RASAL2: variants seen among roughly 807,000 people sequenced by gnomAD.
RASAL2 encodes the protein ras GTPase-activating protein nGAP.
In RASAL2, 58 loss-of-function variants were observed where a neutral mutation model predicts 128.9. The observed-to-expected ratio is 0.45, with a 90% CI of 0.36 to 0.56. The LOEUF (loss-of-function observed/expected upper bound fraction) is 0.56. RASAL2 is among the 20% of genes least tolerant of loss of function. The pLI is 0.00. For synonymous variants in RASAL2, 561 were observed against 580.8 expected, an observed-to-expected ratio of 0.97 and a Z score of 0.49; for missense variants, 1,360 against 1,601.6, an observed-to-expected ratio of 0.85 and a Z score of 2.57.
chr1:178,270,789 G>A (rs1192373182), intron 1 of RASAL2, among the ~76,000 whole-genome samples: 3 of 152,090 alleles, frequency 2.0e-5, no homozygotes, highest in Non-Finnish European at 4.4e-5. Flanking sequence ...TTACTATAAG[G>A]TGACCTGGAC....
At chr1:178,455,364 C>T (rs1326429602) in intron 12 of RASAL2, among the ~76,000 whole-genome samples, 2 of 152,138 alleles carry the variant, frequency 1.3e-5, no homozygotes, top group Non-Finnish European at 2.9e-5. Flanking sequence ...GCTACAGGCA[C>T]TTTATAAATA....
chr1:178,165,160 T>C (rs886542970), intron 1 of RASAL2, among the ~76,000 whole-genome samples: 15 of 151,990 alleles, frequency 9.9e-5, no homozygotes, highest in African/African-American at 3.6e-4. Context: ...CCCACAGATA[T>C]CAAAGTAAAA....
chr1:178,260,304 A>G (rs60905867), intron 1 of RASAL2, among the ~76,000 whole-genome samples: 6,035 of 134,150 alleles, frequency 0.045, 227 homozygotes, highest in African/African-American at 0.095. Flanking sequence ...GTGAGCCGAG[A>G]TCACGCCACT....
At chr1:178,398,319 C>T (rs890289403) in intron 4 of RASAL2, among the ~76,000 whole-genome samples, 2 of 151,988 alleles carry the variant, frequency 1.3e-5, no homozygotes, top group African/African-American at 4.8e-5. Flanking sequence ...TTAATTTTTG[C>T]AAATTATCAA....
At chr1:178,325,855 C>T (rs1305567717) in intron 3 of RASAL2, among the ~76,000 whole-genome samples, 2 of 152,142 alleles carry the variant, frequency 1.3e-5, no homozygotes, top group South Asian at 4.1e-4. Flanking sequence ...AATCCTAGCA[C>T]TTTAACAGAA....
intron 1 of RASAL2, among the ~76,000 whole-genome samples, chr1:178,271,295 C>A (rs906034398): frequency 6.6e-6 from 1 of 152,170 alleles, no homozygotes; most frequent in East Asian, 1.9e-4. Flanking sequence ...GAACATGTTT[C>A]TTCTAGCTTT....
chr1:178,293,259 A>G (rs1460133352), intron 2 of RASAL2, among the ~76,000 whole-genome samples: 1 of 152,232 alleles, frequency 6.6e-6, no homozygotes, highest in Non-Finnish European at 1.5e-5. Context: ...ATAGAATAAG[A>G]GAGAGAAATC....
chr1:178,223,947 A>G (rs973536690), intron 1 of RASAL2, among the ~76,000 whole-genome samples: 1 of 152,198 alleles, frequency 6.6e-6, no homozygotes, highest in African/African-American at 2.4e-5. Context: ...ATTTTAAAAG[A>G]AAGATCATAG....
chr1:178,331,539 A>G (rs1669311928), intron 3 of RASAL2, among the ~76,000 whole-genome samples: 1 of 147,632 alleles, frequency 6.8e-6, no homozygotes, highest in African/African-American at 2.5e-5. Context: ...ACAAACTGTG[A>G]TGAGTGAAAT....
At chr1:178,135,396 T>G (rs1660283500) in intron 1 of RASAL2, among the ~76,000 whole-genome samples, 2 of 151,310 alleles carry the variant, frequency 1.3e-5, no homozygotes, top group Admixed American at 6.6e-5. Flanking sequence ...CCCTTGTATT[T>G]CCAGAATACT....
At chr1:178,126,672 T>C (rs1659911923) in intron 1 of RASAL2, among the ~76,000 whole-genome samples, 1 of 152,354 alleles carries the variant, frequency 6.6e-6, no homozygotes, top group African/African-American at 2.4e-5. Context: ...ACAACCTGGC[T>C]GCCTTTTTCA....
At chr1:178,308,635 TC>T (rs538487727) in intron 3 of RASAL2, among the ~76,000 whole-genome samples, 127 of 151,276 alleles carry the variant, frequency 8.4e-4, no homozygotes, top group African/African-American at 3.1e-3. Flanking sequence ...AGCCTCAACT[TC>T]CTAGGCTCAA....
chr1:178,124,462 A>T (rs1659822090), intron 1 of RASAL2, among the ~76,000 whole-genome samples: 1 of 152,058 alleles, frequency 6.6e-6, no homozygotes, highest in African/African-American at 2.4e-5. Flanking sequence ...AGGCTGAGAA[A>T]CTCTGCCTTA....
At chr1:178,465,134 T>C (rs1489355406) in intron 15 of RASAL2, among the ~76,000 whole-genome samples, 1 of 152,112 alleles carries the variant, frequency 6.6e-6, no homozygotes, top group African/African-American at 2.4e-5. Context: ...GTCACTGAAT[T>C]TATGTAAAGC....
At chr1:178,398,806 C>T (rs780764474) in intron 4 of RASAL2, among the ~76,000 whole-genome samples, 2 of 152,282 alleles carry the variant, frequency 1.3e-5, no homozygotes, top group African/African-American at 2.4e-5. Flanking sequence ...CAAATTCTGT[C>T]ACCAGATCTT....
At chr1:178,195,375 A>T (rs1361598843) in intron 1 of RASAL2, among the ~76,000 whole-genome samples, 4 of 152,174 alleles carry the variant, frequency 2.6e-5, no homozygotes, top group Admixed American at 2.6e-4. Context: ...AATAATTTGC[A>T]ATGTGAATTA....
At chr1:178,457,515 T>G (rs1677858184) in intron 13 of RASAL2, among the ~76,000 whole-genome samples, 168 bp from the exon 14 acceptor site, 1 of 152,248 alleles carries the variant, frequency 6.6e-6, no homozygotes. Context: ...ATGCTGGATT[T>G]TATTCTAAGC....
intron 5 of RASAL2, among the ~76,000 whole-genome samples, chr1:178,429,462 T>G (rs1675744079): frequency 6.6e-6 from 1 of 152,162 alleles, no homozygotes; most frequent in Non-Finnish European, 1.5e-5. Flanking sequence ...TCTGACCACT[T>G]TTTATAGTCT....
At chr1:178,323,687 TA>T (rs34149235) in intron 3 of RASAL2, among the ~76,000 whole-genome samples, 15,348 of 152,168 alleles carry the variant, frequency 0.1, 781 homozygotes, top group Middle Eastern at 0.13. Flanking sequence ...TGTTTATTTT[TA>T]AGATTTTATT....
Sources: gnomAD v4.1 joint callset for allele counts (sites outside exome capture counted in the v4.1 genomes callset) on GRCh38, gnomAD v4.1.1 for gene constraint, MANE v1.5 for transcripts, NCBI Gene and HGNC (gene_info 2026-07-23, HGNC 2026-07-21) for gene names.